The following CEP295NL variants were observed in gnomAD, a reference collection of about 807,000 sequenced individuals.
The protein encoded by CEP295NL is protein DDC8 homolog.
In CEP295NL, 3 loss-of-function variants were observed where a neutral mutation model predicts 4.6. The ratio of observed to expected loss-of-function variants is 0.65; its 90% CI spans 0.30 to 1.69. The LOEUF is 1.69. Ranked by LOEUF, CEP295NL falls within the 40% of genes most tolerant of loss-of-function variation. The pLI is 0.10. For missense variants in CEP295NL, 719 were observed against 769.0 expected (o/e 0.93, Z 0.77); for synonymous variants, 295 against 312.2 (o/e 0.94, Z 0.58).
chr17:78,899,747 C>T (rs905815248), intron 2 of CEP295NL: 7 of 152,282 alleles, frequency 4.6e-5, no homozygotes, highest in African/African-American at 1.7e-4. Flanking sequence ...ATGGACACAC[C>T]CCCTTCCCCA....
rs1381844469 is a variant in CEP295NL at position 78,896,167 on chromosome 17, C to T, written c.45-3708G>A. On this transcript the variant is annotated intron_variant, in intron 2 of 2. Transcript: ENST00000322630. This position sits in a 1 kb window ranked among gnomAD's most constrained non-coding sequence, Gnocchi z 4.4. ...CCTCGTCCCCGCTACCCCAGCTCTC[C>T]TTGCTCTCCCCTCTGAGACCCTCCC... 1.3e-5 allele frequency among the ~76,000 whole-genome samples: 2 copies of T among 152,252 alleles called. No homozygotes were observed. The highest frequency in any genetic ancestry group is 4.8e-5 in the African/African-American group (2 of 41,468).
chr17:78,893,354 TGTGTGCAGGG>T (rs2069942204), intron 2 of CEP295NL, among the ~76,000 whole-genome samples: 1 of 143,476 alleles, frequency 7.0e-6, no homozygotes, highest in African/African-American at 2.7e-5. Flanking sequence ...TGCAGGGGTG[TGTGTGCAGGG>T]GTGTGTAGGA....
Position 78,891,760 on chromosome 17 carries a change from C to A in CEP295NL, c.744G>T (p.Ala248=). 2 of 1,551,188 alleles carry A rather than the reference C, an allele frequency of 1.3e-6. No individual in the cohort carries two copies. Among genetic ancestry groups the A allele is most frequent in the Non-Finnish European group, 1.7e-6 (2 of 1,147,124 alleles). The change falls in exon 3 of 3, where the codon GCG becomes GCT. Residue 248 remains alanine (A), a synonymous_variant. Coordinates refer to ENST00000322630, the MANE Select transcript of CEP295NL (RefSeq NM_001243540.2). This position sits in a 1 kb window ranked among gnomAD's most constrained non-coding sequence, Gnocchi z 4.5. ...CAIHPRRSKG[A]DLERSNPLVA... ...CGAGTGGGTTTGACCTTTCTAGGTC[C>A]GCCCCTTTGCTCCTCCGAGGATGGA...
In CEP295NL at chr17:78,893,375, GTGTGTGTGCAGGGGTGT is replaced by G. The variant is rs1568001184; in HGVS notation, c.45-933_45-917del. ...GGTGTGTGTGCAGGGGTGTGTAGGAGTGTGTGTGCAGGGGTGTGTATGCAGGGGTGTGTGTGCATAGG... is the reference window on the plus strand; with the variant it reads ...GGTGTGTGTGCAGGGGTGTGTAGGAGGTATGCAGGGGTGTGTGTGCATAGG... On this transcript the variant is annotated intron_variant, in intron 2 of 2. Transcript: ENST00000322630. Among the ~76,000 whole-genome samples the G allele has an allele frequency of 1.3e-3, 177 of 139,444 alleles. 2 individuals are homozygous for G. Among genetic ancestry groups the G allele is most frequent in the Middle Eastern group, 4.0e-3 (1 of 252 alleles). The allele number at this position is 139,444 out of a possible 152,430, so 91.5% of individuals were successfully genotyped here.
In CEP295NL at chr17:78,891,538, G is replaced by A. The variant is rs954934276; in HGVS notation, c.966C>T (p.Ala322=). The A allele has an allele frequency of 1.2e-5, 18 of 1,550,872 alleles. No homozygotes were observed. The highest frequency in any genetic ancestry group is 2.7e-5 in the African/African-American group (2 of 73,020). ...WPADSSCRRE[A]VSPASQCTLR... ...GCGTGCACTGAGATGCTGGGGACAC[G>A]GCTTCCCTTCTGCAGCTGGAATCAG... Residue 322 remains alanine, a synonymous_variant, in exon 3 of 3, where the codon GCC becomes GCT. Transcript: ENST00000322630. This position sits in a 1 kb window ranked among gnomAD's most constrained non-coding sequence, Gnocchi z 4.5.
At chr17:78,895,499 G>A (rs1188206317) in intron 2 of CEP295NL, among the ~76,000 whole-genome samples, 1 of 152,178 alleles carries the variant, frequency 6.6e-6, no homozygotes, top group Non-Finnish European at 1.5e-5. Context: ...AGGAAGGAGG[G>A]GGAGGAATTG....
At chr17:78,897,004 G>A (rs879550621) in intron 2 of CEP295NL, 9 of 985,384 alleles carry the variant, frequency 9.1e-6, no homozygotes, top group Non-Finnish European at 1.1e-5. Context: ...CTTTCCCTGG[G>A]CGGCCGCTCA....
chr17:78,890,613 T>G lies in CEP295NL; in HGVS notation c.*25A>C. ...TGGCAGCACCATTATCAGTGATGTA[T>G]TTACCCCGGGTGGGCCTCTCGCATT... On this transcript the variant is annotated 3_prime_UTR_variant, in exon 3 of 3. Coordinates refer to ENST00000322630, the MANE Select transcript of CEP295NL (RefSeq NM_001243540.2). 6.5e-7 allele frequency: 1 copy of G among 1,543,128 alleles called. No individual in the cohort carries two copies. The highest frequency in any genetic ancestry group is 8.8e-7 in the Non-Finnish European group (1 of 1,142,162).
chr17:78,901,696 TAAC>T (rs2070095780), intron 2 of CEP295NL, 86 bp downstream of exon 2: 1 of 716,178 alleles, frequency 1.4e-6, no homozygotes, highest in Non-Finnish European at 2.6e-6. Flanking sequence ...ATGGGGATGA[TAAC>T]AACAGCAGCA....
At position 78,896,999 on chromosome 17, in the gene CEP295NL, C is replaced by T. The variant is rs925700435; in HGVS notation, c.45-4540G>A. ...ATGACGTCCAAGCAGCTCGCCTTTC[C>T]CTGGGCGGCCGCTCAGACAGCTTTT... On this transcript the variant is annotated intron_variant, in intron 2 of 2. Coordinates refer to ENST00000322630, the MANE Select transcript of CEP295NL (RefSeq NM_001243540.2). This position sits in a 1 kb window ranked among gnomAD's most constrained non-coding sequence, Gnocchi z 4.4. 1.0e-6 allele frequency: 1 copy of T among 985,398 alleles called. No individual in the cohort carries two copies. Among genetic ancestry groups the T allele is most frequent in the East Asian group, 1.1e-4 (1 of 8,806 alleles). 61.0% of individuals were successfully genotyped at this position (985,398 alleles called of 1,614,324 possible). A position where few individuals can be genotyped will look rare whatever the true frequency, so the allele number is the denominator to read the frequency against.
In CEP295NL at chr17:78,891,370, G is replaced by A; in HGVS notation, c.1134C>T (p.Ala378=). 6.4e-7 allele frequency: 1 copy of A among 1,550,622 alleles called. No homozygotes were observed. The highest frequency in any genetic ancestry group is 8.7e-7 in the Non-Finnish European group (1 of 1,147,012). The change falls in exon 3 of 3, where the codon GCC becomes GCT. Residue 378 remains alanine (A), a synonymous_variant. Transcript: ENST00000322630. This position sits in a 1 kb window ranked among gnomAD's most constrained non-coding sequence, Gnocchi z 4.5. ...RMDQRPGEGH[A]FSEMQECGAG... ...CGCCACACTCTTGCATCTCTGAGAA[G>A]GCATGCCCTTCCCCAGGTCTCTGGT... is the stretch of plus-strand genomic sequence containing the variant.
At chr17:78,902,452 G>T (rs190588876) in intron 1 of CEP295NL, among the ~76,000 whole-genome samples, 68 of 152,336 alleles carry the variant, frequency 4.5e-4, no homozygotes, top group African/African-American at 1.6e-3. Context: ...CCTGGGGCAG[G>T]GGTGGGTCAC....
Position 78,891,141 on chromosome 17 carries a change from C to T in CEP295NL, c.1363G>A (p.Gly455Ser). 1 of 1,550,656 alleles carries T rather than the reference C, an allele frequency of 6.4e-7. No individual in the cohort carries two copies. The highest frequency in any genetic ancestry group is 8.7e-7 in the Non-Finnish European group (1 of 1,147,026). Residue 455 changes from glycine to serine, a missense_variant, in exon 3 of 3, where the codon GGT becomes AGT. Transcript: ENST00000322630. The surrounding 1 kb of genome is among the most constrained non-coding windows in gnomAD (Gnocchi z 4.5). ...NGSQTLSPEA[G>S]IFINKEDSLL... ...GAGTCCTCTTTGTTGATAAATATAC[C>T]TGCCTCGGGAGACAATGTTTGACTT... is the stretch of plus-strand genomic sequence containing the variant.
intron 2 of CEP295NL, among the ~76,000 whole-genome samples, chr17:78,893,033 G>T (rs536454667): frequency 1.3e-5 from 2 of 152,278 alleles, no homozygotes; most frequent in South Asian, 4.1e-4. Context: ...GAAGAGACGG[G>T]GCAGGGAGGA....
At chr17:78,900,559 AT>A (rs1159573747) in intron 2 of CEP295NL, among the ~76,000 whole-genome samples, 11 of 146,632 alleles carry the variant, frequency 7.5e-5, no homozygotes, top group South Asian at 4.5e-4. Flanking sequence ...AAAAAAAAAA[AT>A]GTGTTTTTTA....
intron 1 of CEP295NL, among the ~76,000 whole-genome samples, 161 bp from the exon 2 acceptor site, chr17:78,902,087 G>A (rs1295071037): frequency 6.6e-6 from 1 of 152,222 alleles, no homozygotes. Flanking sequence ...CCACGTCCCA[G>A]TGGTGGCGGG....
In CEP295NL at chr17:78,891,652, C is replaced by T. The variant is rs2069897018; in HGVS notation, c.852G>A (p.Gly284=). The T allele has an allele frequency of 3.2e-6, 5 of 1,550,990 alleles. No homozygotes were observed. The East Asian group carries it at 9.8e-5, about 30-fold the overall frequency. The change falls in exon 3 of 3, where the codon GGG becomes GGA. Residue 284 remains glycine, a synonymous_variant. Transcript: ENST00000322630. This position sits in a 1 kb window ranked among gnomAD's most constrained non-coding sequence, Gnocchi z 4.5. ...ARAGRRQLGK[G]AVCFVPALTS... ...TCAGGGCTGGAACAAAGCAAACTGC[C>T]CCCTTTCCCAGTTGCCTCCTCCCCG...
At position 78,892,141 on chromosome 17, in the gene CEP295NL, T is replaced by C. The variant is rs59034836; in HGVS notation, c.363A>G (p.Ala121=). 3,669 of 1,550,920 alleles carry C rather than the reference T, an allele frequency of 2.4e-3. 53 individuals are homozygous for C. In the African/African-American group the frequency reaches 0.042, roughly 18 times the overall value. Residue 121 remains alanine, a synonymous_variant, in exon 3 of 3, where the codon GCA becomes GCG. Transcript: ENST00000322630. The stretch of plus-strand genomic sequence containing the variant: ...CCAGGCCACCGACGTGCAGGTGCTG[T>C]GCCTCCTGATACCCTCTCCTCAACT... ...AEELRRGYQE[A]QHLHVGGLDR...
Position 78,903,139 on chromosome 17 carries a change from G to A in CEP295NL, c.-104C>T, listed in dbSNP as rs1459639074. ...GGTCTCAGGGGCCCACTGACCAAAG[G>A]TGGCCGGAATCGCTTCCCCGCCTCC... On this transcript the variant is annotated 5_prime_UTR_variant, in exon 1 of 3. Transcript: ENST00000322630. 1 of 152,480 alleles carries A rather than the reference G, an allele frequency of 6.6e-6. No homozygotes were observed. The highest frequency in any genetic ancestry group is 1.5e-5 in the Non-Finnish European group (1 of 68,278). 9.4% of individuals were successfully genotyped at this position (152,480 alleles called of 1,614,324 possible).
Sources: gnomAD v4.1 joint callset for allele counts (sites outside exome capture counted in the v4.1 genomes callset) on GRCh38, gnomAD v4.1.1 for gene constraint, Gnocchi (gnomAD v3.1) non-coding constraint, MANE v1.5 for transcripts, NCBI Gene and HGNC (gene_info 2026-07-23, HGNC 2026-07-21) for gene names.